GPC5: variants seen among roughly 807,000 people sequenced by gnomAD.
The protein encoded by GPC5 is glypican 5.
GPC5 carries 47 observed loss-of-function variants against 53.9 expected under a neutral mutation model. That is an observed-to-expected ratio of 0.87 (90% CI 0.69 to 1.11). GPC5 has a LOEUF of 1.11. GPC5 is among the 50% of genes most tolerant of loss of function. The probability of loss-of-function intolerance (pLI) is 0.00; values close to 1 mark genes in which losing one functional copy is unlikely to be tolerated. For missense variants in GPC5, 748 were observed against 713.1 expected, an observed-to-expected ratio of 1.05 and a Z score of -0.56; for synonymous variants, 286 against 263.3, an observed-to-expected ratio of 1.09 and a Z score of -0.84.
intron 6 of GPC5, among the ~76,000 whole-genome samples, chr13:92,100,239 C>T (rs1312350008): frequency 1.3e-5 from 2 of 152,066 alleles, no homozygotes; most frequent in African/African-American, 4.8e-5. Context: ...CCTGTCTCTC[C>T]TAAAAATACA....
intron 2 of GPC5, among the ~76,000 whole-genome samples, chr13:91,468,824 A>C (rs1249770901): frequency 1.3e-5 from 2 of 151,502 alleles, no homozygotes; most frequent in Non-Finnish European, 2.9e-5. Context: ...TTAGCCAATA[A>C]AATCTTTACT....
chr13:91,611,555 T>G (rs866532939), intron 2 of GPC5, among the ~76,000 whole-genome samples: 59 of 152,326 alleles, frequency 3.9e-4, no homozygotes, highest in African/African-American at 1.3e-3. Flanking sequence ...GGCTCTTCTT[T>G]GATCTTATAG....
At chr13:91,485,251 C>T (rs1196429133) in intron 2 of GPC5, among the ~76,000 whole-genome samples, 1 of 148,808 alleles carries the variant, frequency 6.7e-6, no homozygotes, top group African/African-American at 2.5e-5. Flanking sequence ...TTGTTCTTGT[C>T]CCCCAGTCTG....
chr13:92,481,650 T>C (rs1453359775), intron 7 of GPC5, among the ~76,000 whole-genome samples: 1 of 152,142 alleles, frequency 6.6e-6, no homozygotes, highest in African/African-American at 2.4e-5. Flanking sequence ...ATCATGGCAC[T>C]GTTCAATTAG....
rs551764709 is a variant in GPC5, at chr13:92,127,552, G to A, written c.1402-17278G>A. ...ACATAATGGTACTCAGGATTCAATC[G>A]ATTAAATATTAATATTCCTTGAATT... On this transcript the variant is annotated intron_variant, in intron 6 of 7. Transcript: ENST00000377067. Among the ~76,000 whole-genome samples the A allele has an allele frequency of 1.0e-3, 159 of 152,122 alleles. 7 individuals are homozygous for A. In the South Asian group the frequency reaches 0.028, roughly 27 times the overall value.
chr13:91,759,729 T>C (rs2037370215), intron 5 of GPC5, among the ~76,000 whole-genome samples: 1 of 152,016 alleles, frequency 6.6e-6, no homozygotes, highest in African/African-American at 2.4e-5. Context: ...CAATGCCAAC[T>C]CAATGGTAAA....
chr13:92,783,250 T>C (rs542870096), intron 7 of GPC5, among the ~76,000 whole-genome samples: 8 of 152,296 alleles, frequency 5.3e-5, no homozygotes, highest in Non-Finnish European at 7.4e-5. Context: ...CTTTTCCAGA[T>C]TGAGCTAGAA....
chr13:91,739,558 G>C (rs2036884798), intron 4 of GPC5, among the ~76,000 whole-genome samples: 1 of 151,280 alleles, frequency 6.6e-6, no homozygotes, highest in South Asian at 2.1e-4. Flanking sequence ...TCATCTGAAA[G>C]CTCAAGTGGG....
chr13:91,878,588 G>A (rs1229176411), intron 5 of GPC5, among the ~76,000 whole-genome samples: 1 of 152,140 alleles, frequency 6.6e-6, no homozygotes, highest in Non-Finnish European at 1.5e-5. Context: ...CTTGGTGGGA[G>A]GTAATTGAAT....
chr13:92,244,335 C>T (rs376322237), intron 7 of GPC5, among the ~76,000 whole-genome samples: 6 of 152,028 alleles, frequency 3.9e-5, no homozygotes, highest in South Asian at 4.1e-4. Flanking sequence ...TATGATATTA[C>T]GACATTTGAT....
At chr13:92,814,590 G>A (rs1269370270) in intron 7 of GPC5, among the ~76,000 whole-genome samples, 3 of 151,350 alleles carry the variant, frequency 2.0e-5, no homozygotes, top group African/African-American at 7.3e-5. Context: ...TAACCTGGGA[G>A]CCAGAGGCTG....
chr13:92,153,865 CT>C (rs2041924468), intron 7 of GPC5, among the ~76,000 whole-genome samples: 1 of 152,148 alleles, frequency 6.6e-6, no homozygotes, highest in African/African-American at 2.4e-5. Flanking sequence ...TTGGATTTCA[CT>C]TTTTAAACAA....
chr13:92,212,394 C>G (rs999239337), intron 7 of GPC5, among the ~76,000 whole-genome samples: 2 of 152,090 alleles, frequency 1.3e-5, no homozygotes, highest in Non-Finnish European at 2.9e-5. Flanking sequence ...CATGTTAGAA[C>G]ATGTAAAAAG....
chr13:92,801,653 A>T (rs1876913505), intron 7 of GPC5, among the ~76,000 whole-genome samples: 3 of 151,760 alleles, frequency 2.0e-5, no homozygotes, highest in African/African-American at 4.8e-5. Context: ...AAGACCTTCC[A>T]GTGGGACAGG....
intron 6 of GPC5, among the ~76,000 whole-genome samples, chr13:92,104,918 ATCT>A (rs1404247728): frequency 6.6e-6 from 1 of 152,158 alleles, no homozygotes; most frequent in East Asian, 1.9e-4. Context: ...CAACCCCATC[ATCT>A]TCTAAAACAT....
intron 7 of GPC5, among the ~76,000 whole-genome samples, chr13:92,852,252 T>C (rs545556452): frequency 1.6e-4 from 24 of 152,314 alleles, no homozygotes; most frequent in African/African-American, 5.5e-4. Flanking sequence ...TACACGACTC[T>C]GGTTTGACCA....
intron 7 of GPC5, among the ~76,000 whole-genome samples, chr13:92,708,856 C>CTTT (rs1566376292): frequency 2.3e-5 from 2 of 87,060 alleles, no homozygotes; most frequent in African/African-American, 7.6e-5. Context: ...CTGGAAACCG[C>CTTT]CTTTTTTTTT....
At chr13:91,832,155 C>A (rs1419274437) in intron 5 of GPC5, among the ~76,000 whole-genome samples, 1 of 151,910 alleles carries the variant, frequency 6.6e-6, no homozygotes, top group African/African-American at 2.4e-5. Context: ...GTATTGGGTG[C>A]ATATATATTT....
intron 7 of GPC5, among the ~76,000 whole-genome samples, chr13:92,321,007 G>A (rs2043212039): frequency 6.6e-6 from 1 of 151,428 alleles, no homozygotes; most frequent in Non-Finnish European, 1.5e-5. Context: ...GCAAATTACT[G>A]CAGATTTTTT....
Sources: allele counts gnomAD v4.1 joint callset (sites outside exome capture counted in the v4.1 genomes callset), GRCh38; gene constraint gnomAD v4.1.1; transcripts MANE v1.5; gene names NCBI Gene and HGNC (gene_info 2026-07-23, HGNC 2026-07-21).